The following NYAP2 variants were observed in gnomAD, a reference collection of about 807,000 sequenced individuals.
The protein encoded by NYAP2 is neuronal tyrosine-phosphorylated phosphoinositide-3-kinase adapter 2.
In NYAP2, 23 loss-of-function variants were observed where a neutral mutation model predicts 50.4. The ratio of observed to expected loss-of-function variants is 0.46; its 90% CI spans 0.33 to 0.65. The LOEUF is 0.65. Ranked by LOEUF, NYAP2 falls within the 30% of genes least tolerant of loss-of-function variation. The pLI, the probability that NYAP2 is intolerant of heterozygous loss-of-function variation, is 0.02. For missense variants in NYAP2, 885 were observed against 861.0 expected (o/e 1.03, Z -0.35); for synonymous variants, 394 against 365.2 (o/e 1.08, Z -0.90).
At chr2:225,599,753 G>A (rs1323881833) in intron 5 of NYAP2, among the ~76,000 whole-genome samples, 3 of 152,216 alleles carry the variant, frequency 2.0e-5, no homozygotes, top group Non-Finnish European at 4.4e-5. Context: ...TGTTGAAGTT[G>A]AGAAGATCTG....
intron 4 of NYAP2, among the ~76,000 whole-genome samples, chr2:225,560,393 G>T (rs1051669371): frequency 4.6e-5 from 7 of 151,884 alleles, no homozygotes; most frequent in African/African-American, 1.7e-4. Context: ...CATATCTTTG[G>T]ACATATCTTT....
chr2:225,628,969 T>C (rs1457497904), intron 6 of NYAP2, among the ~76,000 whole-genome samples: 1 of 152,128 alleles, frequency 6.6e-6, no homozygotes, highest in Non-Finnish European at 1.5e-5. Context: ...TCAGTCAGGA[T>C]TCTCTAGAGA....
At chr2:225,417,539 A>T (rs16866588) in intron 3 of NYAP2, among the ~76,000 whole-genome samples, 3,864 of 152,266 alleles carry the variant, frequency 0.025, 159 homozygotes, top group African/African-American at 0.087. Context: ...ACTTAAAAAA[A>T]TAGAGAAAAG....
chr2:225,671,043 G>C, the NYAP2 span, among the ~76,000 whole-genome samples: 21 of 152,246 alleles, frequency 1.4e-4, no homozygotes, highest in African/African-American at 4.8e-4. Context: ...GCTGCTGACT[G>C]ATCAGGGTAG....
intron 4 of NYAP2, among the ~76,000 whole-genome samples, chr2:225,566,139 CA>C (rs1691957334): frequency 6.6e-6 from 1 of 152,084 alleles, no homozygotes; most frequent in Non-Finnish European, 1.5e-5. Context: ...ATAATCCCCC[CA>C]AAGCGCATTG....
intron 3 of NYAP2, among the ~76,000 whole-genome samples, chr2:225,449,950 A>G (rs964677532): frequency 2.0e-5 from 3 of 152,224 alleles, no homozygotes; most frequent in South Asian, 4.2e-4. Context: ...CCTATGCACC[A>G]TTCCTGTATC....
At chr2:225,573,541 C>G (rs1298112823) in intron 4 of NYAP2, among the ~76,000 whole-genome samples, 1 of 152,046 alleles carries the variant, frequency 6.6e-6, no homozygotes, top group East Asian at 1.9e-4. Flanking sequence ...TGAGCCACCA[C>G]GCCTGGCCCC....
At chr2:225,449,904 AC>A (rs1689624117) in intron 3 of NYAP2, among the ~76,000 whole-genome samples, 1 of 152,018 alleles carries the variant, frequency 6.6e-6, no homozygotes, top group South Asian at 2.1e-4. Flanking sequence ...GTCATGAGCC[AC>A]CACACCCGGC....
At position 225,631,511 on chromosome 2, in the gene NYAP2, A is replaced by G. The variant is rs74418922; in HGVS notation, c.1828+4385A>G. On this transcript the variant is annotated intron_variant, in intron 6 of 6. Transcript: ENST00000636099. Reference sequence around the variant, plus strand: ...ATAATGAGATGGTTGTATTCATATTAGAAGAAATGCAAAACAGAGGGGCAA... The same window carrying G: ...ATAATGAGATGGTTGTATTCATATTGGAAGAAATGCAAAACAGAGGGGCAA... 6.3e-3 allele frequency among the ~76,000 whole-genome samples: 964 copies of G among 152,322 alleles called. 6 individuals carry two copies. The highest frequency in any genetic ancestry group is 0.01 in the Non-Finnish European group (705 of 68,032).
At chr2:225,699,292 C>T in the NYAP2 span, 3 of 151,918 alleles carry the variant, frequency 2.0e-5, no homozygotes, top group Admixed American at 1.3e-4. Flanking sequence ...TTGGACATCC[C>T]AGCAGAAAAC....
the NYAP2 span, among the ~76,000 whole-genome samples, chr2:225,693,912 A>G: frequency 6.6e-6 from 1 of 152,020 alleles, no homozygotes; most frequent in South Asian, 2.1e-4. Context: ...TAGCCCACAA[A>G]AAAGGGGTGG....
At chr2:225,618,734 A>G (rs1326501919) in intron 5 of NYAP2, among the ~76,000 whole-genome samples, 1 of 152,220 alleles carries the variant, frequency 6.6e-6, no homozygotes, top group Non-Finnish European at 1.5e-5. Flanking sequence ...GCCAGAAACT[A>G]GTTTACGAAG....
intron 4 of NYAP2, among the ~76,000 whole-genome samples, chr2:225,516,201 G>A (rs1480973878): frequency 6.6e-6 from 1 of 152,042 alleles, no homozygotes; most frequent in Non-Finnish European, 1.5e-5. Context: ...AGTTCCTGGG[G>A]CAGAGAGTAT....
At chr2:225,571,145 G>C (rs960159514) in intron 4 of NYAP2, among the ~76,000 whole-genome samples, 1 of 152,252 alleles carries the variant, frequency 6.6e-6, no homozygotes, top group Non-Finnish European at 1.5e-5. Flanking sequence ...CCCTATGGCT[G>C]TGGATGGTAC....
rs1387878107 is a variant in NYAP2 at position 225,400,545 on chromosome 2, A to T, written c.-500-16A>T. 6.6e-6 allele frequency: 1 copy of T among 152,000 alleles called. No individual in the cohort carries two copies. Among genetic ancestry groups the T allele is most frequent in the Non-Finnish European group, 1.5e-5 (1 of 67,954 alleles). The allele number at this position is 152,000 out of a possible 1,614,324, so 9.4% of individuals were successfully genotyped here. ...TGTTTCTGATTTTTTGTTTTCATTT[A>T]TTTTTGTCTTCGCAGAATATAATCA... On this transcript the variant is annotated splice_polypyrimidine_tract_variant and intron_variant, in intron 1 of 6. Transcript: ENST00000636099.
At chr2:225,626,851 T>A in intron 5 of NYAP2, 66 bp from the exon 6 acceptor site, 19 of 1,241,504 alleles carry the variant, frequency 1.5e-5, no homozygotes, top group Non-Finnish European at 2.2e-5. Flanking sequence ...CACACTAATT[T>A]TTTGAAAGTA....
chr2:225,654,599 G>A (rs533784148), downstream of NYAP2, among the ~76,000 whole-genome samples: 10 of 152,124 alleles, frequency 6.6e-5, no homozygotes, highest in East Asian at 5.8e-4. Context: ...CAGGAGGATC[G>A]CTTAAACCCA....
chr2:225,555,408 TAG>T (rs1024720748), intron 4 of NYAP2, among the ~76,000 whole-genome samples: 1 of 152,208 alleles, frequency 6.6e-6, no homozygotes, highest in Non-Finnish European at 1.5e-5. Context: ...CTGTTTTTTT[TAG>T]AGTTGCCATC....
chr2:225,539,624 T>A (rs1156439218), intron 4 of NYAP2, among the ~76,000 whole-genome samples: 4 of 152,236 alleles, frequency 2.6e-5, no homozygotes, highest in Non-Finnish European at 5.9e-5. Context: ...TCATGTTTCT[T>A]GGCCACATAA....
Sources: gnomAD v4.1 joint callset for allele counts (sites outside exome capture counted in the v4.1 genomes callset) on GRCh38, gnomAD v4.1.1 for gene constraint, MANE v1.5 for transcripts, NCBI Gene and HGNC (gene_info 2026-07-23, HGNC 2026-07-21) for gene names.